Variants in FGF22 observed in about 807,000 individuals in gnomAD.
The protein encoded by FGF22 is fibroblast growth factor 22, also known as FGF-22.
Under a neutral mutation model 10.3 loss-of-function variants are expected in FGF22, and 11 were observed. The observed-to-expected ratio is 1.07, with a 90% CI of 0.67 to 1.77. FGF22 has a LOEUF of 1.77. FGF22 is among the 40% of genes most tolerant of loss of function. The probability of loss-of-function intolerance (pLI) is 0.00; values close to 1 mark genes in which losing one functional copy is unlikely to be tolerated. For synonymous variants in FGF22, 136 were observed against 122.1 expected, an observed-to-expected ratio of 1.11 and a Z score of -0.75; for missense variants, 317 against 273.2, an observed-to-expected ratio of 1.16 and a Z score of -1.13.
chr19:640,257 T>G, intron 1 of FGF22, 118 bp downstream of exon 1: 1 of 617,486 alleles, frequency 1.6e-6, no homozygotes, highest in South Asian at 6.5e-5. Flanking sequence ...CTGTGCAGCC[T>G]CGGCCTCAGT....
rs199657035 is a variant in FGF22, at chr19:643,322, G to C, written c.302G>C (p.Gly101Ala). 44 of 1,596,324 alleles carry C rather than the reference G, an allele frequency of 2.8e-5. No homozygotes were observed. In the East Asian group the frequency reaches 9.9e-4, roughly 36 times the overall value. Residue 101 changes from glycine to alanine, a missense_variant, in exon 2 of 3, where the codon GGC (glycine) becomes GCC (alanine). Gly to Ala is a moderately conservative substitution (Grantham distance 60). Coordinates refer to ENST00000215530, the Ensembl canonical transcript of FGF22. ...TTCTACGTGGCCATGAACCGCCGGG[G>C]CCGCCTCTACGGGTCGGTGAGTGCC...
chr19:643,185 G>A lies in FGF22; in HGVS notation c.215-50G>A, dbSNP rs2301779. Reference sequence around the variant, plus strand: ...TGCACGAAGCACAGCGGACAGCAGCGGTGCTGGGGGTGAGCCAGCAAGGCC... The same window carrying A: ...TGCACGAAGCACAGCGGACAGCAGCAGTGCTGGGGGTGAGCCAGCAAGGCC... On this transcript the variant is annotated intron_variant, in intron 1 of 2. Coordinates refer to ENST00000215530, the Ensembl canonical transcript of FGF22. 3.0e-3 allele frequency: 2,462 copies of A among 825,540 alleles called. 30 individuals are homozygous for A. In the East Asian group the frequency reaches 0.13, roughly 45 times the overall value. The allele number at this position is 825,540 out of a possible 1,614,324, so 51.1% of individuals were successfully genotyped here.
chr19:641,219 G>A (rs922306559), intron 1 of FGF22: 4 of 456,378 alleles, frequency 8.8e-6, no homozygotes, highest in African/African-American at 8.0e-5. Context: ...CCCTCCTGGG[G>A]CTCCCAGAGC....
intron 1 of FGF22, among the ~76,000 whole-genome samples, chr19:642,099 G>A (rs1254636383): frequency 6.6e-6 from 1 of 152,180 alleles, no homozygotes; most frequent in Non-Finnish European, 1.5e-5. Flanking sequence ...CATGTCTGTG[G>A]TGTCCCATAA....
chr19:640,819 G>A (rs1012647912), intron 1 of FGF22: 87 of 225,698 alleles, frequency 3.9e-4, no homozygotes, highest in African/African-American at 1.8e-3. Context: ...GGGGCACTGG[G>A]AAGGGGGCCC....
chr19:641,029 G>A (rs559050939), intron 1 of FGF22: 25 of 377,856 alleles, frequency 6.6e-5, no homozygotes, highest in African/African-American at 2.5e-4. Context: ...GCCTGGCTCC[G>A]CTGCCTGACC....
chr19:642,856 G>A (rs548923115), intron 1 of FGF22, among the ~76,000 whole-genome samples: 22 of 151,712 alleles, frequency 1.5e-4, no homozygotes, highest in Non-Finnish European at 2.4e-4. Context: ...CCTGACGTCC[G>A]TCCCTCTGGG....
intron 1 of FGF22, chr19:640,349 C>A: frequency 2.6e-6 from 1 of 378,772 alleles, no homozygotes; most frequent in Non-Finnish European, 4.7e-6. Flanking sequence ...GCGGACCCGG[C>A]TCAGGGGCAG....
chr19:642,846 C>A (rs11572876), intron 1 of FGF22, among the ~76,000 whole-genome samples: 1 of 151,530 alleles, frequency 6.6e-6, no homozygotes, highest in Non-Finnish European at 1.5e-5. Context: ...TTGCTGCCCC[C>A]CTGACGTCCG....
At chr19:641,427 T>C (rs1985897113) in intron 1 of FGF22, 1 of 359,380 alleles carries the variant, frequency 2.8e-6, no homozygotes, top group South Asian at 2.0e-5. Context: ...ATACAAAAAT[T>C]AGCCGGGTGT....
At chr19:644,125 T>G in exon 3 of FGF22, 1 of 163,388 alleles carries the variant, frequency 6.1e-6, no homozygotes, top group Non-Finnish European at 1.3e-5. Flanking sequence ...CACAGGGTCC[T>G]CACGACAGGA....
exon 3 of FGF22, chr19:643,597 T>C (rs1985988806): frequency 1.3e-6 from 2 of 1,539,236 alleles, no homozygotes; most frequent in Non-Finnish European, 1.7e-6. Context: ...CCCGTCCTGG[T>C]CTCCTGAGGC....
chr19:642,143 C>T (rs1306042504), intron 1 of FGF22, among the ~76,000 whole-genome samples: 1 of 152,212 alleles, frequency 6.6e-6, no homozygotes, highest in South Asian at 2.1e-4. Context: ...CACTGCCAGC[C>T]CGGCCTCCAG....
exon 3 of FGF22, chr19:643,543 C>T (rs1170442261): frequency 6.3e-7 from 1 of 1,599,472 alleles, no homozygotes. Context: ...GGGCCCCGGC[C>T]AGGCGGCCGG....
Position 640,026 on chromosome 19 carries a change from C to G in FGF22, c.101C>G (p.Pro34Arg), listed in dbSNP as rs938547832. ...GCGTCGCGGGGACCGCGCAGCTACC[C>G]GCACCTGGAGGGCGACGTGCGCTGG... is the stretch of plus-strand genomic sequence containing the variant. The change falls in exon 1 of 3, where the codon CCG becomes CGG. Residue 34 changes from proline (P) to arginine (R), a missense_variant. Pro to Arg is a moderately radical substitution (Grantham distance 103). Transcript: ENST00000215530. The G allele has an allele frequency of 2.2e-6, 3 of 1,380,278 alleles. No individual in the cohort carries two copies. The African/African-American group carries it at 4.5e-5, about 21-fold the overall frequency. The allele number at this position is 1,380,278 out of a possible 1,614,324, so 85.5% of individuals were successfully genotyped here. A position where few individuals can be genotyped will look rare whatever the true frequency, so the allele number is the denominator to read the frequency against.
intron 1 of FGF22, chr19:640,803 G>A (rs951041498): frequency 4.5e-5 from 10 of 220,888 alleles, no homozygotes; most frequent in African/African-American, 1.6e-4. Flanking sequence ...TGTCCCCGCC[G>A]GGCGGGGGGC....
chr19:644,028 A>G (rs1479789401), exon 3 of FGF22: 2 of 214,438 alleles, frequency 9.3e-6, no homozygotes, highest in Admixed American at 1.1e-4. Flanking sequence ...ATCTGCAAAT[A>G]CAACGCCTTG....
intron 1 of FGF22, chr19:641,349 G>A (rs563280868): frequency 2.0e-4 from 88 of 443,558 alleles, no homozygotes; most frequent in South Asian, 1.3e-3. Flanking sequence ...GGCCGAGGCG[G>A]GCAGATCACG....
At chr19:640,236 C>T (rs775655265) in intron 1 of FGF22, 97 bp downstream of exon 1, 160 of 811,588 alleles carry the variant, frequency 2.0e-4, no homozygotes, top group Non-Finnish European at 2.5e-4. Flanking sequence ...GGGGGAGTCC[C>T]GGAGGCTCCT....
Sources: gnomAD v4.1 joint callset for allele counts (sites outside exome capture counted in the v4.1 genomes callset) on GRCh38, gnomAD v4.1.1 for gene constraint, MANE v1.5 for transcripts, NCBI Gene and HGNC (gene_info 2026-07-23, HGNC 2026-07-21) for gene names.